The following COPS3 variants were observed in gnomAD, a reference collection of about 807,000 sequenced individuals.
The protein encoded by COPS3 is COP9 signalosome subunit 3, also known as COP9 signalosome complex subunit 3.
In COPS3, 10 loss-of-function variants were observed where a neutral mutation model predicts 58.2. That is an observed-to-expected ratio of 0.17 (90% CI 0.11 to 0.29). The LOEUF is 0.29. Among genes scored for constraint, COPS3 ranks in the 10% least tolerant of loss-of-function variants. COPS3 has a pLI of 1.00. For synonymous variants in COPS3, 187 were observed against 181.7 expected (o/e 1.03, Z -0.24); for missense variants, 333 against 510.1 (o/e 0.65, Z 3.34).
chr17:17,250,153 T>C (rs2047810292), intron 9 of COPS3, among the ~76,000 whole-genome samples: 1 of 152,172 alleles, frequency 6.6e-6, no homozygotes, highest in Admixed American at 6.6e-5. Flanking sequence ...TGGAATCATA[T>C]ACTATGTAAT....
In COPS3 at chr17:17,281,229, G is replaced by A. The variant is rs756587289; in HGVS notation, c.-43C>T. On this transcript the variant is annotated 5_prime_UTR_variant, in exon 1 of 12. Transcript: ENST00000268717. The stretch of plus-strand genomic sequence containing the variant: ...CCGAGCGGCGAAGGCAGCACGCGCG[G>A]GAAAAGGCTGCCGCTCTGGGAGGAG... 8.2e-6 allele frequency: 13 copies of A among 1,588,528 alleles called. No homozygotes were observed. Among genetic ancestry groups the A allele is most frequent in the East Asian group, 2.3e-5 (1 of 44,162 alleles).
chr17:17,276,211 C>A, intron 1 of COPS3, 47 bp from the exon 2 acceptor site: 1 of 1,605,882 alleles, frequency 6.2e-7, no homozygotes, highest in South Asian at 1.1e-5. Flanking sequence ...CAGCACTAAC[C>A]AAACTGATGG....
intron 5 of COPS3, among the ~76,000 whole-genome samples, chr17:17,265,656 C>T (rs1314029718): frequency 6.6e-6 from 1 of 152,180 alleles, no homozygotes; most frequent in Non-Finnish European, 1.5e-5. Flanking sequence ...ACCTTGGCCT[C>T]CGAATGTGCT....
At position 17,250,729 on chromosome 17, in the gene COPS3, C is replaced by A. The variant is rs564513942; in HGVS notation, c.1024-1690G>T. On this transcript the variant is annotated intron_variant, in intron 9 of 11. Coordinates refer to ENST00000268717, the MANE Select transcript of COPS3 (RefSeq NM_003653.4). ...TTTATTCCTAACAAGATGTTCCACA[C>A]GGTGATAATAACTTGTCCATTTGTT... Among the ~76,000 whole-genome samples, 9 of 152,308 alleles carry A rather than the reference C, an allele frequency of 5.9e-5. No individual in the cohort carries two copies. In the East Asian group the frequency reaches 1.7e-3, roughly 29 times the overall value.
intron 8 of COPS3, among the ~76,000 whole-genome samples, chr17:17,258,476 C>T (rs775155311): frequency 5.9e-5 from 9 of 152,014 alleles, no homozygotes; most frequent in Admixed American, 2.0e-4. Flanking sequence ...TTTTTGAAAC[C>T]GTTATTTAAT....
At chr17:17,269,236 C>T (rs2048294414) in intron 4 of COPS3, among the ~76,000 whole-genome samples, 1 of 152,106 alleles carries the variant, frequency 6.6e-6, no homozygotes, top group African/African-American at 2.4e-5. Context: ...ACCAGCCTGG[C>T]AAACATGGTG....
chr17:17,271,683 G>A (rs997614493), intron 2 of COPS3, among the ~76,000 whole-genome samples: 3 of 150,942 alleles, frequency 2.0e-5, no homozygotes, highest in Non-Finnish European at 3.0e-5. Context: ...TTAGCCGGGC[G>A]TGGTGGTGCA....
intron 8 of COPS3, among the ~76,000 whole-genome samples, chr17:17,257,806 A>AAAAAAG (rs752357148): frequency 0.13 from 18,633 of 147,620 alleles, 1,287 homozygotes; most frequent in East Asian, 0.2. Flanking sequence ...CAAAAAAAAA[A>AAAAAAG]AAAAAGAAAA....
At chr17:17,267,214 T>C (rs2048242322) in intron 5 of COPS3, among the ~76,000 whole-genome samples, 1 of 150,664 alleles carries the variant, frequency 6.6e-6, no homozygotes, top group African/African-American at 2.4e-5. Context: ...AGCGGGCGCC[T>C]GTAGTCCCAG....
intron 2 of COPS3, among the ~76,000 whole-genome samples, chr17:17,274,800 C>T (rs1038436708): frequency 1.3e-5 from 2 of 151,226 alleles, no homozygotes; most frequent in African/African-American, 4.9e-5. Context: ...CAACCAATGC[C>T]TTAATAGTGC....
intron 6 of COPS3, among the ~76,000 whole-genome samples, chr17:17,262,531 C>A (rs528155340): frequency 1.8e-4 from 28 of 152,080 alleles, no homozygotes; most frequent in African/African-American, 6.0e-4. Flanking sequence ...GGATCGAGAC[C>A]AACCTGGCTA....
chr17:17,269,174 A>G (rs2145237770), intron 4 of COPS3, among the ~76,000 whole-genome samples: 1 of 152,168 alleles, frequency 6.6e-6, no homozygotes, highest in African/African-American at 2.4e-5. Flanking sequence ...TAAAAATACA[A>G]AAATCACTGG....
chr17:17,276,610 C>A (rs1204480892), intron 1 of COPS3, among the ~76,000 whole-genome samples: 1 of 151,554 alleles, frequency 6.6e-6, no homozygotes, highest in Non-Finnish European at 1.5e-5. Context: ...ACTGTGTCGC[C>A]CAGGCTGGAG....
intron 4 of COPS3, among the ~76,000 whole-genome samples, chr17:17,268,450 T>C (rs1038412422): frequency 1.3e-5 from 2 of 152,184 alleles, no homozygotes; most frequent in Non-Finnish European, 2.9e-5. Flanking sequence ...AAAAGGACTG[T>C]TTCCTGCCCT....
At chr17:17,268,024 C>G (rs777936351) in intron 4 of COPS3, 47 bp from the exon 5 acceptor site, 2 of 1,603,100 alleles carry the variant, frequency 1.2e-6, no homozygotes, top group South Asian at 2.2e-5. Context: ...AAGATGGCAG[C>G]ACATTGGATC....
At chr17:17,270,151 T>C (rs1395948815) in intron 4 of COPS3, among the ~76,000 whole-genome samples, 2 of 148,118 alleles carry the variant, frequency 1.4e-5, no homozygotes, top group Admixed American at 6.8e-5. Context: ...AGCGAGACTC[T>C]GTCTCCAAAA....
At chr17:17,272,151 G>A (rs1034484207) in intron 2 of COPS3, among the ~76,000 whole-genome samples, 9 of 151,756 alleles carry the variant, frequency 5.9e-5, no homozygotes, top group Admixed American at 2.0e-4. Context: ...GGCCAGGCAC[G>A]GTGGCTCACG....
At chr17:17,278,363 A>G (rs2048504927) in intron 1 of COPS3, among the ~76,000 whole-genome samples, 1 of 152,232 alleles carries the variant, frequency 6.6e-6, no homozygotes, top group African/African-American at 2.4e-5. Context: ...AATACAACAT[A>G]GTATAATGCT....
chr17:17,250,420 A>C (rs920933812), intron 9 of COPS3, among the ~76,000 whole-genome samples: 1 of 151,962 alleles, frequency 6.6e-6, no homozygotes, highest in African/African-American at 2.4e-5. Flanking sequence ...ATGCCCAGCT[A>C]ATTTTTTTTA....
Sources: allele counts gnomAD v4.1 joint callset (sites outside exome capture counted in the v4.1 genomes callset), GRCh38; gene constraint gnomAD v4.1.1; transcripts MANE v1.5; gene names NCBI Gene and HGNC (gene_info 2026-07-23, HGNC 2026-07-21).